The following SEMA6C variants were observed in gnomAD, a reference collection of about 807,000 sequenced individuals.
SEMA6C encodes the protein semaphorin 6C, also known as semaphorin-6C.
In SEMA6C, 37 loss-of-function variants were observed where a neutral mutation model predicts 72.9. That is an observed-to-expected ratio of 0.51 (90% CI 0.39 to 0.67). The LOEUF is 0.67. Ranked by LOEUF, SEMA6C falls within the 30% of genes least tolerant of loss-of-function variation. The pLI is 0.00. For missense variants in SEMA6C, 1,189 were observed against 1,263.6 expected (o/e 0.94, Z 0.89); for synonymous variants, 578 against 554.1 (o/e 1.04, Z -0.61).
chr1:151,135,131 C>G, intron 15 of SEMA6C, 32 bp downstream of exon 15: 6 of 1,607,450 alleles, frequency 3.7e-6, no homozygotes, highest in Admixed American at 1.7e-5. Flanking sequence ...GGGAGCTTGC[C>G]CACACAGGGC....
chr1:151,134,593 GCAA>G, intron 17 of SEMA6C, 24 bp downstream of exon 17: 1 of 1,613,722 alleles, frequency 6.2e-7, no homozygotes, highest in East Asian at 2.2e-5. Context: ...AGCTTTGGCT[GCAA>G]CAGCAGCTGC....
Position 151,132,184 on chromosome 1 carries a change from C to A in SEMA6C, c.*300G>T, listed in dbSNP as rs776901823. On this transcript the variant is annotated 3_prime_UTR_variant, in exon 19 of 19. Coordinates refer to ENST00000368914, the MANE Select transcript of SEMA6C (RefSeq NM_030913.6). ...CCCGGGGCACAGTCTCTGGGGGAGCCCCGAGGGGCGAGTTAAGGCAGCTTG... is the reference window on the plus strand; with the variant it reads ...CCCGGGGCACAGTCTCTGGGGGAGCACCGAGGGGCGAGTTAAGGCAGCTTG... 4.2e-6 allele frequency: 6 copies of A among 1,443,606 alleles called. No individual in the cohort carries two copies. Among genetic ancestry groups the A allele is most frequent in the East Asian group, 3.0e-5 (1 of 33,110 alleles). The allele number at this position is 1,443,606 out of a possible 1,614,324, so 89.4% of individuals were successfully genotyped here.
At chr1:151,134,965 G>T in intron 15 of SEMA6C, 90 bp from the exon 16 acceptor site, 1 of 1,395,656 alleles carries the variant, frequency 7.2e-7, no homozygotes, top group Non-Finnish European at 1.0e-6. Context: ...GCTTACAGGA[G>T]GCTCCCAGCC....
intron 3 of SEMA6C, among the ~76,000 whole-genome samples, chr1:151,140,741 T>C (rs965296273): frequency 1.3e-5 from 2 of 152,218 alleles, no homozygotes; most frequent in Admixed American, 6.5e-5. Context: ...ACGCCTGTAA[T>C]CCCAGCACTT....
In SEMA6C at chr1:151,136,070, C is replaced by G; in HGVS notation, c.1200G>C (p.Pro400=). 1 of 1,614,026 alleles carries G rather than the reference C, an allele frequency of 6.2e-7. No individual in the cohort carries two copies. Among genetic ancestry groups the G allele is most frequent in the Non-Finnish European group, 8.5e-7 (1 of 1,180,004 alleles). ...DDVLTFIKAH[P]LLDPAVPPVT... ...CAGGTGGTACAGCGGGGTCCAGCAG[C>G]GGGTGAGCCTTGATGAAGGTCAGGA... The change falls in exon 13 of 19, where the codon CCG becomes CCC. Residue 400 remains proline (P), a synonymous_variant. Coordinates refer to ENST00000368914, the MANE Select transcript of SEMA6C (RefSeq NM_030913.6).
chr1:151,138,151 G>C lies in SEMA6C; in HGVS notation c.548-46C>G, dbSNP rs201909204. 174 of 1,605,744 alleles carry C rather than the reference G, an allele frequency of 1.1e-4. No individual in the cohort carries two copies. In the African/African-American group the frequency reaches 2.1e-3, roughly 20 times the overall value. ...GGGTCAGGGGAGGGCTCAGGGATCT[G>C]TATCCTGCCTCTTCTTGGGCCTCCT... On this transcript the variant is annotated intron_variant, in intron 8 of 18. Coordinates refer to ENST00000368914, the MANE Select transcript of SEMA6C (RefSeq NM_030913.6).
Position 151,142,993 on chromosome 1 carries a change from C to T in SEMA6C, c.-54-318G>A, listed in dbSNP as rs80028571. ...ACATTCAGTAGGTGACACCTCCTGG[C>T]CCCCCTCTTGCTAACCCCTTCTCAG... On this transcript the variant is annotated intron_variant, in intron 2 of 18. Coordinates refer to ENST00000368914, the MANE Select transcript of SEMA6C (RefSeq NM_030913.6). Among the ~76,000 whole-genome samples the T allele has an allele frequency of 2.9e-3, 437 of 152,248 alleles. 3 individuals carry two copies. The highest frequency in any genetic ancestry group is 1.0e-2 in the African/African-American group (415 of 41,542).
chr1:151,138,255 G>T, intron 8 of SEMA6C, 61 bp downstream of exon 8: 1 of 1,591,458 alleles, frequency 6.3e-7, no homozygotes, highest in Non-Finnish European at 8.6e-7. Flanking sequence ...CACTGGGAGA[G>T]GAGCTAAGGT....
At position 151,134,829 on chromosome 1, in the gene SEMA6C, T is replaced by C. The variant is rs749576550; in HGVS notation, c.1627A>G (p.Arg543Gly). The C allele has an allele frequency of 3.7e-6, 6 of 1,614,046 alleles. No homozygotes were observed. The highest frequency in any genetic ancestry group is 4.5e-5 in the East Asian group (2 of 44,902). ...GATCCCCTGATATCCACACAGCCCC[T>C]GGAGCTATGCCATCCACAGTATGGG... The part of the protein sequence containing the change: ...QDPYCGWHSS[R>G]GCVDIRGSGG... The change falls in exon 16 of 19, where the codon AGG becomes GGG. Residue 543 changes from arginine (R) to glycine (G), a missense_variant. This residue lies in a region of SEMA6C where 721 missense variants were observed against 686.2 expected (regional missense o/e 1.05). Coordinates refer to ENST00000368914, the MANE Select transcript of SEMA6C (RefSeq NM_030913.6).
chr1:151,133,104 T>A lies in SEMA6C; in HGVS notation c.2173A>T (p.Arg725Trp), dbSNP rs779277856. 1.7e-5 allele frequency: 26 copies of A among 1,564,682 alleles called. No homozygotes were observed. The highest frequency in any genetic ancestry group is 3.6e-5 in the Admixed American group (2 of 54,988). Reference sequence around the variant, plus strand: ...CCCGGACCCTCCTTGGCGTTGTTCCTGTTCTGGTTCCACTCCCAGGGGTCC... The same window carrying A: ...CCCGGACCCTCCTTGGCGTTGTTCCAGTTCTGGTTCCACTCCCAGGGGTCC... ...AGDPWEWNQN[R>W]NNAKEGPGRS... The change falls in exon 19 of 19, where the codon AGG becomes TGG. Residue 725 changes from arginine (R) to tryptophan (W), a missense_variant. This residue lies in a region of SEMA6C where 721 missense variants were observed against 686.2 expected (regional missense o/e 1.05). Coordinates refer to ENST00000368914, the MANE Select transcript of SEMA6C (RefSeq NM_030913.6). The surrounding 1 kb of genome is among the most constrained non-coding windows in gnomAD (Gnocchi z 5.9).
rs144047526 is a variant in SEMA6C, at chr1:151,134,662, G to T, written c.1672C>A (p.Gln558Lys). 3.5e-5 allele frequency: 56 copies of T among 1,614,156 alleles called. 1 individual carries two copies. In the East Asian group the frequency reaches 1.2e-3, roughly 36 times the overall value. Residue 558 changes from glutamine to lysine, a missense_variant, in exon 17 of 19, where the codon CAG becomes AAG. Coordinates refer to ENST00000368914, the MANE Select transcript of SEMA6C (RefSeq NM_030913.6). Reference protein sequence around the residue: ...IRGSGGTDVDQAGNQESMEHG... With the variant: ...IRGSGGTDVDKAGNQESMEHG... ...TCCATGGATTCCTGGTTCCCAGCCT[G>T]ATCCACATCAGTCCTAGGAGGAAAA...
rs1461261772 is a variant in SEMA6C at position 151,132,928 on chromosome 1, C to G, written c.2349G>C (p.Gly783=). ...YLHGPQPPRK[G]AEPPAPLTSR... is the part of the protein sequence containing the mutation. The stretch of plus-strand genomic sequence containing the variant: ...AGGTTAAAGGGGCGGGGGGCTCGGC[C>G]CCCTTTCTGGGCGGCTGCGGGCCGT... The change falls in exon 19 of 19, where the codon GGG becomes GGC. Residue 783 remains glycine (G), a synonymous_variant. Transcript: ENST00000368914. 3 of 1,393,930 alleles carry G rather than the reference C, an allele frequency of 2.2e-6. No individual in the cohort carries two copies. The highest frequency in any genetic ancestry group is 2.8e-6 in the Non-Finnish European group (3 of 1,072,912). The allele number at this position is 1,393,930 out of a possible 1,614,324, so 86.3% of individuals were successfully genotyped here.
At position 151,133,531 on chromosome 1, in the gene SEMA6C, G is replaced by T; in HGVS notation, c.1760-14C>A. The T allele has an allele frequency of 6.7e-7, 1 of 1,491,744 alleles. No individual in the cohort carries two copies. The highest frequency in any genetic ancestry group is 1.2e-5 in the South Asian group (1 of 80,284). The allele number at this position is 1,491,744 out of a possible 1,614,324, so 92.4% of individuals were successfully genotyped here. A position where few individuals can be genotyped will look rare whatever the true frequency, so the allele number is the denominator to read the frequency against. On this transcript the variant is annotated splice_polypyrimidine_tract_variant and intron_variant, in intron 18 of 18. Transcript: ENST00000368914. This position sits in a 1 kb window ranked among gnomAD's most constrained non-coding sequence, Gnocchi z 5.9. The stretch of plus-strand genomic sequence containing the variant: ...CCCGGCGCACGCCTGCCGACCGAGA[G>T]GGAGGAGGGAGGCTCAGCCAAGGGG...
intron 4 of SEMA6C, 36 bp from the exon 5 acceptor site, chr1:151,139,737 C>T (rs1254989816): frequency 6.5e-7 from 1 of 1,549,970 alleles, no homozygotes; most frequent in Non-Finnish European, 8.8e-7. Flanking sequence ...AGAGCCTAGT[C>T]AAGGCACCCC....
At chr1:151,134,502 A>G in intron 17 of SEMA6C, 57 bp from the exon 18 acceptor site, 1 of 1,605,550 alleles carries the variant, frequency 6.2e-7, no homozygotes, top group Non-Finnish European at 8.5e-7. Context: ...TGAAGAACTG[A>G]TGGGGTGACT....
chr1:151,138,541 C>T (rs1175599375), intron 7 of SEMA6C, 89 bp downstream of exon 7: 2 of 1,462,632 alleles, frequency 1.4e-6, no homozygotes, highest in Non-Finnish European at 1.9e-6. Context: ...CATTCCCCAA[C>T]CGCAGTCCTT....
chr1:151,132,292 C>T lies in SEMA6C; in HGVS notation c.*192G>A. 1.3e-6 allele frequency: 2 copies of T among 1,534,746 alleles called. No individual in the cohort carries two copies. Among genetic ancestry groups the T allele is most frequent in the Non-Finnish European group, 1.7e-6 (2 of 1,145,370 alleles). On this transcript the variant is annotated 3_prime_UTR_variant, in exon 19 of 19. Coordinates refer to ENST00000368914, the MANE Select transcript of SEMA6C (RefSeq NM_030913.6). ...GAGGAGACGGGCTTCTCACCTCCCA[C>T]TCTTCTGTCGAGGACAGGGGGAAAG...
Position 151,133,252 on chromosome 1 carries a change from C to A in SEMA6C, c.2025G>T (p.Gln675His), listed in dbSNP as rs1681720857. 6.3e-7 allele frequency: 1 copy of A among 1,582,790 alleles called. No homozygotes were observed. The highest frequency in any genetic ancestry group is 1.3e-5 in the African/African-American group (1 of 74,288). ...PPPSKDGDAV[Q>H]TPQLYTTFLP... ...GGAAGGTGGTGTAGAGCTGCGGCGTCTGCACCGCGTCCCCGTCCTTGGAGG... is the reference window on the plus strand; with the variant it reads ...GGAAGGTGGTGTAGAGCTGCGGCGTATGCACCGCGTCCCCGTCCTTGGAGG... Residue 675 changes from glutamine to histidine, a missense_variant, in exon 19 of 19, where the codon CAG becomes CAT. This residue lies in a region of SEMA6C where 721 missense variants were observed against 686.2 expected (regional missense o/e 1.05). Transcript: ENST00000368914. The surrounding 1 kb of genome is among the most constrained non-coding windows in gnomAD (Gnocchi z 5.9).
intron 4 of SEMA6C, 132 bp downstream of exon 4, chr1:151,139,844 C>T: frequency 8.3e-7 from 1 of 1,207,774 alleles, no homozygotes; most frequent in South Asian, 1.4e-5. Flanking sequence ...TGCTCTGGGT[C>T]CAAGCATGTC....
Sources: gnomAD v4.1 joint callset for allele counts (sites outside exome capture counted in the v4.1 genomes callset) on GRCh38, gnomAD v4.1.1 for gene constraint, gnomAD v4.1.1 regional missense constraint, Gnocchi (gnomAD v3.1) non-coding constraint, MANE v1.5 for transcripts, NCBI Gene and HGNC (gene_info 2026-07-23, HGNC 2026-07-21) for gene names.